PKD1L1: variants seen among roughly 807,000 people sequenced by gnomAD.
PKD1L1 encodes polycystin 1 like 1, transient receptor potential channel interacting.
Under a neutral mutation model 323.4 loss-of-function variants are expected in PKD1L1, and 236 were observed. The observed-to-expected ratio is 0.73, with a 90% CI of 0.66 to 0.81. The LOEUF is 0.81. PKD1L1 is among the 40% of genes least tolerant of loss of function. The pLI, the probability that PKD1L1 is intolerant of heterozygous loss-of-function variation, is 0.00. For synonymous variants in PKD1L1, 1,344 were observed against 1,335.0 expected, an observed-to-expected ratio of 1.01 and a Z score of -0.15; for missense variants, 3,320 against 3,508.0, an observed-to-expected ratio of 0.95 and a Z score of 1.35.
At chr7:47,884,270 G>T (rs118183006) in intron 19 of PKD1L1, among the ~76,000 whole-genome samples, 5 of 152,102 alleles carry the variant, frequency 3.3e-5, no homozygotes, top group African/African-American at 1.2e-4. Flanking sequence ...GAGGAGGCTC[G>T]CTGAGCAGAT....
rs1786341657 is a variant in PKD1L1, at chr7:47,873,893, AC to A, written c.3896+5del. The A allele has an allele frequency of 3.1e-6, 5 of 1,605,760 alleles. No individual in the cohort carries two copies. The highest frequency in any genetic ancestry group is 1.1e-5 in the South Asian group (1 of 90,466). On this transcript the variant is annotated splice_donor_5th_base_variant and intron_variant, in intron 24 of 56. Coordinates refer to ENST00000289672, the MANE Select transcript of PKD1L1 (RefSeq NM_138295.5). Reference sequence around the variant, plus strand: ...TAGGATGTCTGTGTGGCATTGTGTTACTCACAGGTCCTCGCCCAGACAGTCA... The same window carrying A: ...TAGGATGTCTGTGTGGCATTGTGTTATCACAGGTCCTCGCCCAGACAGTCA...
At chr7:47,819,318 A>G (rs887778739) in intron 46 of PKD1L1, among the ~76,000 whole-genome samples, 1 of 152,250 alleles carries the variant, frequency 6.6e-6, no homozygotes, top group Non-Finnish European at 1.5e-5. Context: ...GAGATCTCAC[A>G]AACATTATCT....
chr7:47,955,427 A>G, the PKD1L1 span, among the ~76,000 whole-genome samples: 7 of 152,186 alleles, frequency 4.6e-5, no homozygotes, highest in Non-Finnish European at 7.3e-5. Flanking sequence ...AAATACATGC[A>G]TGTACAAAGA....
At chr7:47,915,183 C>T (rs913986523) in intron 8 of PKD1L1, among the ~76,000 whole-genome samples, 4 of 152,300 alleles carry the variant, frequency 2.6e-5, no homozygotes, top group Admixed American at 2.0e-4. Context: ...TCCCCAGAGG[C>T]GCGTGGGAAT....
At chr7:47,792,356 T>C (rs990001049) in intron 56 of PKD1L1, among the ~76,000 whole-genome samples, 2 of 152,164 alleles carry the variant, frequency 1.3e-5, no homozygotes, top group African/African-American at 4.8e-5. Context: ...CATTTCTGTT[T>C]CTCAGTCTCC....
At chr7:47,931,554 A>G (rs981829794) in intron 5 of PKD1L1, among the ~76,000 whole-genome samples, 2 of 152,258 alleles carry the variant, frequency 1.3e-5, no homozygotes, top group Non-Finnish European at 2.9e-5. Context: ...GGCACCAGCT[A>G]GAACTATGAG....
At chr7:47,778,479 C>T (rs1786619271) in intron 56 of PKD1L1, among the ~76,000 whole-genome samples, 1 of 152,168 alleles carries the variant, frequency 6.6e-6, no homozygotes, top group Non-Finnish European at 1.5e-5. Flanking sequence ...GGAGATAATA[C>T]AGACCTGGTG....
chr7:47,877,451 G>T, intron 22 of PKD1L1, 38 bp downstream of exon 22: 1 of 1,608,272 alleles, frequency 6.2e-7, no homozygotes, highest in South Asian at 1.1e-5. Flanking sequence ...TGCCACTGTC[G>T]GGGGTCTCTC....
intron 7 of PKD1L1, among the ~76,000 whole-genome samples, chr7:47,928,209 T>C (rs1787690576): frequency 6.6e-6 from 1 of 152,216 alleles, no homozygotes; most frequent in Admixed American, 6.5e-5. Flanking sequence ...TTTTACTATA[T>C]AACTTTCTAG....
At chr7:47,932,276 G>T (rs1479209175) in intron 4 of PKD1L1, among the ~76,000 whole-genome samples, 1 of 152,194 alleles carries the variant, frequency 6.6e-6, no homozygotes, top group Admixed American at 6.5e-5. Flanking sequence ...ACTCGAGGGA[G>T]AAGTCTTAGG....
chr7:47,884,576 G>A, intron 19 of PKD1L1, 22 bp downstream of exon 19: 3 of 1,609,150 alleles, frequency 1.9e-6, no homozygotes, highest in Non-Finnish European at 2.6e-6. Flanking sequence ...GAGAGAGGCA[G>A]CAGGCATAGA....
chr7:47,949,368 CAAAAAAAAAA>C (rs58131581), upstream of PKD1L1, among the ~76,000 whole-genome samples: 2 of 57,134 alleles, frequency 3.5e-5, no homozygotes, highest in Non-Finnish European at 6.4e-5. Flanking sequence ...GGCTCTGTCT[CAAAAAAAAAA>C]AAAAAAAAAA....
Position 47,839,090 on chromosome 7 carries a change from T to C in PKD1L1, c.5769+356A>G, listed in dbSNP as rs1207652208. On this transcript the variant is annotated intron_variant, in intron 36 of 56. Transcript: ENST00000289672. This position sits in a 1 kb window ranked among gnomAD's most constrained non-coding sequence, Gnocchi z 4.3. ...ACATCTATACCACATCTGTAATTAC[T>C]CTATTGATAGTTATCTAGGTTGTTT... Among the ~76,000 whole-genome samples the C allele has an allele frequency of 6.6e-6, 1 of 152,110 alleles. No homozygotes were observed. The highest frequency in any genetic ancestry group is 1.9e-4 in the East Asian group (1 of 5,186).
Position 47,803,212 on chromosome 7 carries a change from C to G in PKD1L1, c.7960G>C (p.Gly2654Arg). The stretch of plus-strand genomic sequence containing the variant: ...CTGATAAAGGGGAGAGTTCTTACCC[C>G]TGCTACAAAGATGCTGGGGAGTGAG... ...RHSLPSIFVA[G>R]LVGALMLAAL... The change falls in exon 53 of 57, where the codon GGG (glycine) becomes CGG (arginine). Residue 2654 changes from glycine to arginine, a missense_variant and splice_region_variant. Coordinates refer to ENST00000289672, the MANE Select transcript of PKD1L1 (RefSeq NM_138295.5). 1 of 1,614,146 alleles carries G rather than the reference C, an allele frequency of 6.2e-7. No individual in the cohort carries two copies.
chr7:47,960,377 TAAAA>T, the PKD1L1 span, among the ~76,000 whole-genome samples: 10 of 89,516 alleles, frequency 1.1e-4, no homozygotes, highest in Non-Finnish European at 1.9e-4. Context: ...AAAAAAAAAT[TAAAA>T]AAAAAAAAAA....
chr7:47,903,327 C>T (rs769042565), intron 12 of PKD1L1, among the ~76,000 whole-genome samples: 2 of 152,026 alleles, frequency 1.3e-5, no homozygotes, highest in African/African-American at 2.4e-5. Context: ...GTTGTCAGAG[C>T]GCCCAGGGCA....
intron 27 of PKD1L1, 28 bp from the exon 28 acceptor site, chr7:47,857,860 T>C (rs554285626): frequency 3.8e-6 from 6 of 1,598,086 alleles, no homozygotes; most frequent in Non-Finnish European, 5.1e-6. Flanking sequence ...GGGAGTGGGA[T>C]GTTTATAACA....
intron 4 of PKD1L1, among the ~76,000 whole-genome samples, chr7:47,936,227 G>A (rs1787864875): frequency 6.6e-6 from 1 of 152,124 alleles, no homozygotes. Context: ...GTTCAGTGGT[G>A]TTAAGTGTAT....
intron 52 of PKD1L1, among the ~76,000 whole-genome samples, chr7:47,806,200 G>A (rs1013268267): frequency 1.3e-5 from 2 of 152,182 alleles, no homozygotes; most frequent in Non-Finnish European, 2.9e-5. Flanking sequence ...CATGCTTCTA[G>A]AAAACCTCCC....
Sources: gnomAD v4.1 joint callset for allele counts (sites outside exome capture counted in the v4.1 genomes callset) on GRCh38, gnomAD v4.1.1 for gene constraint, Gnocchi (gnomAD v3.1) non-coding constraint, MANE v1.5 for transcripts, NCBI Gene and HGNC (gene_info 2026-07-23, HGNC 2026-07-21) for gene names.